The following TDRD3 variants were observed in gnomAD, a reference collection of about 807,000 sequenced individuals.
TDRD3 encodes the protein tudor domain-containing protein 3.
TDRD3 carries 45 observed loss-of-function variants against 86.7 expected under a neutral mutation model. The ratio of observed to expected loss-of-function variants is 0.52; its 90% confidence interval spans 0.41 to 0.67. The LOEUF is 0.67. TDRD3 is among the 30% of genes least tolerant of loss of function. TDRD3 has a pLI of 0.00. For missense variants in TDRD3, 814 were observed against 889.0 expected (o/e 0.92, Z 1.07); for synonymous variants, 298 against 301.7 (o/e 0.99, Z 0.13).
At chr13:60,541,027 T>G (rs1861962890) in intron 12 of TDRD3, among the ~76,000 whole-genome samples, 1 of 152,212 alleles carries the variant, frequency 6.6e-6, no homozygotes, top group Non-Finnish European at 1.5e-5. Flanking sequence ...TAACTATTAC[T>G]AAGTGGACAT....
chr13:60,427,160 T>C (rs1231560840), intron 1 of TDRD3, among the ~76,000 whole-genome samples: 1 of 152,196 alleles, frequency 6.6e-6, no homozygotes, highest in Non-Finnish European at 1.5e-5. Context: ...AAAACTTTTT[T>C]TTCTTAAGAG....
intron 13 of TDRD3, among the ~76,000 whole-genome samples, chr13:60,567,973 G>T (rs1044127440): frequency 2.6e-5 from 4 of 151,670 alleles, no homozygotes; most frequent in Admixed American, 2.0e-4. Context: ...CTGAGCTCAG[G>T]TAATCCACCT....
At chr13:60,465,729 G>A (rs143199438) in intron 4 of TDRD3, among the ~76,000 whole-genome samples, 442 of 152,128 alleles carry the variant, frequency 2.9e-3, no homozygotes, top group Non-Finnish European at 4.8e-3. Flanking sequence ...AGTGATATTA[G>A]CATTCTTACT....
chr13:60,567,432 G>T, intron 12 of TDRD3, 93 bp from the exon 13 acceptor site: 2 of 1,536,174 alleles, frequency 1.3e-6, no homozygotes, highest in African/African-American at 1.4e-5. Context: ...CAGCTTAAGA[G>T]AGATATTATT....
intron 5 of TDRD3, among the ~76,000 whole-genome samples, chr13:60,475,101 T>G (rs1443264702): frequency 6.6e-6 from 1 of 152,106 alleles, no homozygotes; most frequent in African/African-American, 2.4e-5. Flanking sequence ...CTATTTTTAT[T>G]TTAGGTTAAG....
At chr13:60,437,121 CTTT>C (rs528500199) in intron 1 of TDRD3, among the ~76,000 whole-genome samples, 8 of 73,756 alleles carry the variant, frequency 1.1e-4, no homozygotes, top group African/African-American at 2.7e-4. Flanking sequence ...ATAAATTAAA[CTTT>C]TTTTTTTTTT....
chr13:60,538,718 TTA>T lies in TDRD3; in HGVS notation c.2118+3486_2118+3487del, dbSNP rs1477657935. Among the ~76,000 whole-genome samples, 28 of 152,230 alleles carry T rather than the reference TTA, an allele frequency of 1.8e-4. 1 individual carries two copies. The highest frequency in any genetic ancestry group is 6.7e-4 in the African/African-American group (28 of 41,556). ...ACAGGCCCTTTCCAAATTGCTTCCTTTAAACTCTAAAACGAATTCCAGGAAAC... is the reference window on the plus strand; with the variant it reads ...ACAGGCCCTTTCCAAATTGCTTCCTTAACTCTAAAACGAATTCCAGGAAAC... On this transcript the variant is annotated intron_variant, in intron 12 of 13. Coordinates refer to ENST00000377881, the MANE Select transcript of TDRD3 (RefSeq NM_001146070.2).
chr13:60,412,363 ATAT>A (rs1372400513), intron 1 of TDRD3, among the ~76,000 whole-genome samples: 1 of 152,116 alleles, frequency 6.6e-6, no homozygotes, highest in East Asian at 1.9e-4. Flanking sequence ...AGTTTACTTA[ATAT>A]TCTTCTACTT....
intron 12 of TDRD3, among the ~76,000 whole-genome samples, chr13:60,538,594 T>C (rs1386615212): frequency 6.6e-6 from 1 of 152,150 alleles, no homozygotes; most frequent in Admixed American, 6.5e-5. Context: ...CATGTTTCAC[T>C]AGTAAAATTA....
At chr13:60,427,427 T>C (rs1318524506) in intron 1 of TDRD3, among the ~76,000 whole-genome samples, 3 of 152,178 alleles carry the variant, frequency 2.0e-5, no homozygotes, top group Admixed American at 2.0e-4. Flanking sequence ...AGGCTGGGTT[T>C]GAACTGCAGT....
intron 1 of TDRD3, among the ~76,000 whole-genome samples, chr13:60,429,310 CAAAT>C (rs1954894613): frequency 6.6e-6 from 1 of 152,026 alleles, no homozygotes; most frequent in Admixed American, 6.6e-5. Flanking sequence ...ATACTAGAAA[CAAAT>C]AGGTATTTGT....
In TDRD3 at chr13:60,483,814, G is replaced by T; in HGVS notation, c.535G>T (p.Gly179Cys). 6.2e-7 allele frequency: 1 copy of T among 1,613,324 alleles called. No individual in the cohort carries two copies. Residue 179 changes from glycine to cysteine, a missense_variant, in exon 6 of 14, where the codon GGT becomes TGT. Physicochemically the swap from Gly to Cys is radical, Grantham distance 159. Coordinates refer to ENST00000377881, the MANE Select transcript of TDRD3 (RefSeq NM_001146070.2). ...CAATAGAAGCAATATTGGAACTGAA[G>T]GTGGACCACCGCCTTTTGTGCCTTT... The part of the protein sequence containing the change: ...KHNRSNIGTE[G>C]GPPPFVPFGQ...
intron 10 of TDRD3, among the ~76,000 whole-genome samples, chr13:60,525,153 T>C (rs1165853398): frequency 4.2e-4 from 60 of 142,068 alleles, no homozygotes; most frequent in Non-Finnish European, 6.9e-4. Context: ...TATTTTACTA[T>C]ATTAAGGGAA....
chr13:60,513,115 G>C (rs1307513413), intron 10 of TDRD3, among the ~76,000 whole-genome samples: 1 of 152,188 alleles, frequency 6.6e-6, no homozygotes, highest in Non-Finnish European at 1.5e-5. Context: ...CTTAACTTCT[G>C]TGCACTCATA....
intron 1 of TDRD3, among the ~76,000 whole-genome samples, chr13:60,437,935 C>T (rs1000170785): frequency 2.0e-5 from 3 of 152,120 alleles, no homozygotes; most frequent in African/African-American, 7.2e-5. Flanking sequence ...TTACTCACTT[C>T]CATGTTTTTG....
At chr13:60,561,216 T>G (rs188827428) in intron 12 of TDRD3, among the ~76,000 whole-genome samples, 2 of 152,218 alleles carry the variant, frequency 1.3e-5, no homozygotes, top group African/African-American at 2.4e-5. Flanking sequence ...GAGTTTTTAA[T>G]TATAAAATGA....
intron 4 of TDRD3, chr13:60,461,048 A>G (rs1362548175): frequency 6.6e-6 from 1 of 152,000 alleles, no homozygotes; most frequent in Non-Finnish European, 1.5e-5. Context: ...ATAGTTAAGT[A>G]TATAGTTACT....
chr13:60,484,076 C>T (rs1956376051), intron 6 of TDRD3, among the ~76,000 whole-genome samples: 1 of 151,666 alleles, frequency 6.6e-6, no homozygotes, highest in Non-Finnish European at 1.5e-5. Flanking sequence ...AGAGCCATAT[C>T]TGAAGAGTAA....
At chr13:60,531,074 A>G (rs1177490950) in intron 11 of TDRD3, among the ~76,000 whole-genome samples, 2 of 152,216 alleles carry the variant, frequency 1.3e-5, no homozygotes, top group Non-Finnish European at 2.9e-5. Context: ...ATGATTATTT[A>G]GAAACAGCAT....
Sources: allele counts gnomAD v4.1 joint callset (sites outside exome capture counted in the v4.1 genomes callset), GRCh38; gene constraint gnomAD v4.1.1; transcripts MANE v1.5; gene names NCBI Gene and HGNC (gene_info 2026-07-23, HGNC 2026-07-21).